PCDH15: variants seen among roughly 807,000 people sequenced by gnomAD.
PCDH15 encodes the protein protocadherin-15.
PCDH15 carries 129 observed loss-of-function variants against 178.5 expected under a neutral mutation model. That is an observed-to-expected ratio of 0.72 (90% confidence interval 0.63 to 0.84). The LOEUF (loss-of-function observed/expected upper bound fraction) is 0.84. Ranked by LOEUF, PCDH15 falls within the 40% of genes least tolerant of loss-of-function variation. The pLI is 0.00. For missense variants in PCDH15, 2,230 were observed against 2,099.9 expected (o/e 1.06, Z -1.21); for synonymous variants, 800 against 732.0 (o/e 1.09, Z -1.50).
chr10:54,874,610 C>A (rs1299334565), intron 3 of PCDH15, among the ~76,000 whole-genome samples: 1 of 151,846 alleles, frequency 6.6e-6, no homozygotes, highest in African/African-American at 2.4e-5. Context: ...AAACTACCAT[C>A]AGAGTTAACA....
At chr10:53,868,510 A>C (rs1310384986) in intron 26 of PCDH15, among the ~76,000 whole-genome samples, 1 of 152,192 alleles carries the variant, frequency 6.6e-6, no homozygotes, top group Non-Finnish European at 1.5e-5. Context: ...GTACTAGCCA[A>C]ATATGACAAA....
intron 1 of PCDH15, among the ~76,000 whole-genome samples, chr10:55,279,228 T>C (rs1842669263): frequency 6.6e-6 from 1 of 152,166 alleles, no homozygotes; most frequent in Admixed American, 6.6e-5. Context: ...GCATCACTAA[T>C]AGGTGGTGCA....
chr10:55,149,470 T>C (rs1211148403), intron 2 of PCDH15, among the ~76,000 whole-genome samples: 2 of 152,070 alleles, frequency 1.3e-5, no homozygotes, highest in Non-Finnish European at 2.9e-5. Context: ...AATCGTTTTA[T>C]GCATATTTAA....
At chr10:55,564,216 T>G (rs958859902) in intron 2 of PCDH15, among the ~76,000 whole-genome samples, 7 of 151,728 alleles carry the variant, frequency 4.6e-5, no homozygotes, top group African/African-American at 1.7e-4. Flanking sequence ...GCACAATGTA[T>G]AGACATAATT....
At chr10:54,580,281 T>C (rs1484388675) in intron 2 of PCDH15, among the ~76,000 whole-genome samples, 1 of 151,828 alleles carries the variant, frequency 6.6e-6, no homozygotes, top group Non-Finnish European at 1.5e-5. Context: ...GAAACAAGGA[T>C]GACATTACAG....
chr10:55,247,155 T>A (rs1841698177), intron 1 of PCDH15, among the ~76,000 whole-genome samples: 1 of 152,210 alleles, frequency 6.6e-6, no homozygotes, highest in Admixed American at 6.5e-5. Context: ...TCATGTTAGT[T>A]AAGGAAAATC....
At chr10:53,912,820 T>C (rs925109559) in intron 25 of PCDH15, among the ~76,000 whole-genome samples, 3 of 152,200 alleles carry the variant, frequency 2.0e-5, no homozygotes, top group Non-Finnish European at 4.4e-5. Context: ...GAACATTCCA[T>C]GCTCATGGAT....
At chr10:53,821,714 T>C (rs1488200705) in intron 32 of PCDH15, 9 of 1,477,466 alleles carry the variant, frequency 6.1e-6, no homozygotes, top group Non-Finnish European at 8.0e-6. Flanking sequence ...TTAATATCTT[T>C]TTAAATTAAA....
At chr10:54,759,629 G>A (rs576805247) in intron 1 of PCDH15, among the ~76,000 whole-genome samples, 116 of 152,236 alleles carry the variant, frequency 7.6e-4, no homozygotes, top group Middle Eastern at 6.8e-3. Flanking sequence ...TTTCGGCAGC[G>A]TATTTTTAAA....
intron 26 of PCDH15, among the ~76,000 whole-genome samples, chr10:53,886,595 C>CATTTT (rs2081114447): frequency 1.4e-5 from 1 of 72,786 alleles, no homozygotes; most frequent in Non-Finnish European, 2.4e-5. Flanking sequence ...ATGTATGCCT[C>CATTTT]TTTTTTTTTT....
chr10:54,674,283 A>AT, intron 1 of PCDH15, among the ~76,000 whole-genome samples: 1 of 152,274 alleles, frequency 6.6e-6, no homozygotes, highest in East Asian at 1.9e-4. Context: ...AATGGTGAAT[A>AT]TTTTTTGAGT....
At chr10:54,715,775 G>A (rs1409326747) in intron 1 of PCDH15, among the ~76,000 whole-genome samples, 1 of 152,048 alleles carries the variant, frequency 6.6e-6, no homozygotes, top group East Asian at 1.9e-4. Flanking sequence ...TTAGTAGTTT[G>A]AGCCATTCAT....
chr10:54,239,862 G>C (rs1372735769), intron 8 of PCDH15, among the ~76,000 whole-genome samples: 1 of 152,112 alleles, frequency 6.6e-6, no homozygotes, highest in Middle Eastern at 3.4e-3. Flanking sequence ...TGAAAAGAAT[G>C]ATTTCTTAAC....
intron 3 of PCDH15, among the ~76,000 whole-genome samples, chr10:54,526,071 A>G (rs143656418): frequency 6.6e-6 from 1 of 152,296 alleles, no homozygotes; most frequent in East Asian, 1.9e-4. Context: ...ATATCATGTC[A>G]TTTTCTTCTA....
At chr10:55,304,315 T>G (rs964739939) in intron 1 of PCDH15, among the ~76,000 whole-genome samples, 2 of 152,182 alleles carry the variant, frequency 1.3e-5, no homozygotes, top group African/African-American at 4.8e-5. Flanking sequence ...TTTCAGGTTA[T>G]CACCTTCTCC....
rs187940663 is a variant in PCDH15 at position 55,165,440 on chromosome 10, A to C, written c.-80+1136T>G. Reference sequence around the variant, plus strand: ...ACTTGAGCATATTATTTAAAATATAATTTATTATTACTAAAAGAGAATGTT... The same window carrying C: ...ACTTGAGCATATTATTTAAAATATACTTTATTATTACTAAAAGAGAATGTT... On this transcript the variant is annotated intron_variant, in intron 2 of 5. Coordinates refer to the PCDH15 transcript ENST00000458638. Among the ~76,000 whole-genome samples, 59 of 152,064 alleles carry C rather than the reference A, an allele frequency of 3.9e-4. No individual in the cohort carries two copies. In the East Asian group the frequency reaches 9.4e-3, roughly 24 times the overall value.
At chr10:54,109,795 C>A (rs1457045443) in intron 15 of PCDH15, among the ~76,000 whole-genome samples, 1 of 151,940 alleles carries the variant, frequency 6.6e-6, no homozygotes. Flanking sequence ...AACAAAGTGA[C>A]TACAGTAAAA....
At chr10:54,166,866 G>A (rs928554776) in intron 13 of PCDH15, among the ~76,000 whole-genome samples, 2 of 152,154 alleles carry the variant, frequency 1.3e-5, no homozygotes, top group Non-Finnish European at 2.9e-5. Context: ...ATTACCTTGT[G>A]AAAGTCCTTT....
chr10:54,952,687 T>C (rs1838375512), intron 2 of PCDH15, among the ~76,000 whole-genome samples: 1 of 151,798 alleles, frequency 6.6e-6, no homozygotes, highest in Non-Finnish European at 1.5e-5. Context: ...ATTTTGTAGT[T>C]TTCCTCATAT....
Sources: allele counts gnomAD v4.1 joint callset (sites outside exome capture counted in the v4.1 genomes callset), GRCh38; gene constraint gnomAD v4.1.1; transcripts MANE v1.5; gene names NCBI Gene and HGNC (gene_info 2026-07-23, HGNC 2026-07-21).